Variants in TMEM41B observed in about 807,000 individuals in gnomAD.
The protein encoded by TMEM41B is transmembrane protein 41B.
TMEM41B carries 18 observed loss-of-function variants against 31.9 expected under a neutral mutation model. That is an observed-to-expected ratio of 0.56 (90% confidence interval 0.39 to 0.84). TMEM41B has a LOEUF of 0.84. TMEM41B is among the 40% of genes least tolerant of loss of function. TMEM41B has a pLI of 0.00. For synonymous variants in TMEM41B, 144 were observed against 124.3 expected (o/e 1.16, Z -1.05); for missense variants, 322 against 348.0 (o/e 0.93, Z 0.59).
At position 9,282,028 on chromosome 11, in the gene TMEM41B, T is replaced by C. The variant is rs1347371861; in HGVS notation, c.*1396A>G. 1 of 152,212 alleles carries C rather than the reference T, an allele frequency of 6.6e-6. No individual in the cohort carries two copies. Among genetic ancestry groups the C allele is most frequent in the African/African-American group, 2.4e-5 (1 of 41,458 alleles). The allele number at this position is 152,212 out of a possible 1,614,324, so 9.4% of individuals were successfully genotyped here. ...AAACTACATACTCTTGAATGTTTGC[T>C]TTTTAGAGCCCCTTGTGGGATATTA... On this transcript the variant is annotated 3_prime_UTR_variant, in exon 7 of 7. Coordinates refer to ENST00000528080, the MANE Select transcript of TMEM41B (RefSeq NM_015012.4).
chr11:9,296,603 CAAAAAAAAAA>C (rs1164835040), intron 2 of TMEM41B, among the ~76,000 whole-genome samples: 1 of 118,902 alleles, frequency 8.4e-6, no homozygotes, highest in Admixed American at 9.0e-5. Flanking sequence ...GACTCCGTCT[CAAAAAAAAAA>C]AAAAAAAAAA....
At chr11:9,299,327 C>CACACACACACACACACAT (rs1332386408) in intron 2 of TMEM41B, among the ~76,000 whole-genome samples, 1 of 136,984 alleles carries the variant, frequency 7.3e-6, no homozygotes, top group Non-Finnish European at 1.6e-5. Flanking sequence ...TACATACATA[C>CACACACACACACACACAT]ACACACACAC....
Position 9,302,523 on chromosome 11 carries a change from G to C in TMEM41B, c.122-2822C>G, listed in dbSNP as rs1853286496. Reference sequence around the variant, plus strand: ...GCCGAGGCTGGACTTGAACTCCTGGGCTCCAGCAATCCTCCTACTTCAGCC... The same window carrying C: ...GCCGAGGCTGGACTTGAACTCCTGGCCTCCAGCAATCCTCCTACTTCAGCC... On this transcript the variant is annotated intron_variant, in intron 1 of 6. Transcript: ENST00000528080. Among the ~76,000 whole-genome samples, 2 of 98,966 alleles carry C rather than the reference G, an allele frequency of 2.0e-5. 1 individual carries two copies. Among genetic ancestry groups the C allele is most frequent in the Non-Finnish European group, 4.3e-5 (2 of 46,348 alleles). 64.9% of individuals were successfully genotyped at this position (98,966 alleles called of 152,430 possible). A position where few individuals can be genotyped will look rare whatever the true frequency, so the allele number is the denominator to read the frequency against.
intron 3 of TMEM41B, among the ~76,000 whole-genome samples, chr11:9,290,988 T>C (rs568106814): frequency 6.6e-6 from 1 of 152,010 alleles, no homozygotes; most frequent in Non-Finnish European, 1.5e-5. Context: ...CAGTGGCTCA[T>C]GCCTGTAATG....
chr11:9,299,452 G>T, intron 2 of TMEM41B, 132 bp downstream of exon 2: 1 of 633,232 alleles, frequency 1.6e-6, no homozygotes, highest in South Asian at 2.0e-5. Flanking sequence ...CGCACTCCTG[G>T]ACTCAACCAA....
chr11:9,291,408 TAAA>T (rs1852956465), intron 3 of TMEM41B, among the ~76,000 whole-genome samples: 1 of 74,592 alleles, frequency 1.3e-5, no homozygotes. Flanking sequence ...ATAATAAAAA[TAAA>T]TTTTTTTTTG....
intron 1 of TMEM41B, chr11:9,311,309 G>A (rs1853555124): frequency 3.3e-6 from 5 of 1,525,490 alleles, no homozygotes; most frequent in Non-Finnish European, 4.5e-6. Context: ...AAGAGGAGGA[G>A]GAATGCTTGC....
chr11:9,295,414 G>A (rs943084381), intron 2 of TMEM41B, 27 bp from the exon 3 acceptor site: 1 of 1,422,742 alleles, frequency 7.0e-7, no homozygotes, highest in Non-Finnish European at 9.6e-7. Flanking sequence ...AAAAATTTTA[G>A]AACAGAATTT....
At chr11:9,299,509 T>A (rs1853193832) in intron 2 of TMEM41B, 75 bp downstream of exon 2, 1 of 1,001,028 alleles carries the variant, frequency 1.0e-6, no homozygotes, top group African/African-American at 1.6e-5. Flanking sequence ...AGGCATCAGC[T>A]ACTGCACTTG....
chr11:9,291,243 G>A (rs1045265147), intron 3 of TMEM41B, among the ~76,000 whole-genome samples: 8 of 151,860 alleles, frequency 5.3e-5, no homozygotes, highest in African/African-American at 9.7e-5. Flanking sequence ...TTAGCCGGGC[G>A]CAGTGGCAGG....
At chr11:9,290,060 CAA>C (rs748998386) in intron 3 of TMEM41B, among the ~76,000 whole-genome samples, 2 of 151,888 alleles carry the variant, frequency 1.3e-5, no homozygotes, top group Non-Finnish European at 2.9e-5. Flanking sequence ...CACACACACA[CAA>C]ACACACACAC....
intron 1 of TMEM41B, among the ~76,000 whole-genome samples, chr11:9,300,329 A>G (rs567276282): frequency 5.3e-5 from 8 of 152,134 alleles, no homozygotes; most frequent in African/African-American, 1.9e-4. Flanking sequence ...TGTCAATTTC[A>G]TATTTCTATA....
At chr11:9,311,123 T>G (rs1157271945) in intron 1 of TMEM41B, among the ~76,000 whole-genome samples, 1 of 152,132 alleles carries the variant, frequency 6.6e-6, no homozygotes, top group African/African-American at 2.4e-5. Flanking sequence ...CTTCCCATTT[T>G]CCCTAGCCAC....
rs139746692 is a variant in TMEM41B at position 9,301,832 on chromosome 11, A to G, written c.122-2131T>C. Among the ~76,000 whole-genome samples the G allele has an allele frequency of 4.5e-3, 685 of 152,296 alleles. 8 individuals are homozygous for G. The highest frequency in any genetic ancestry group is 7.9e-3 in the Non-Finnish European group (537 of 68,026). ...GGAGGACACAGTAAGCCAAAGTGGT[A>G]CGCCGAAGACATGTATCAGAAAACA... On this transcript the variant is annotated intron_variant, in intron 1 of 6. Transcript: ENST00000528080.
In TMEM41B at chr11:9,286,468, A is replaced by G. The variant is rs1181007574; in HGVS notation, c.693T>C (p.Ile231=). ...CAGAGGGCTTACCTAGAAAAGTACCAATAAAAAAAACTTTCAATGGCACGT... is the reference window on the plus strand; with the variant it reads ...CAGAGGGCTTACCTAGAAAAGTACCGATAAAAAAAACTTTCAATGGCACGT... ...VINVPLKVFF[I]GTFLGVAPPS... is the part of the protein sequence containing the mutation. The change falls in exon 6 of 7, where the codon ATT becomes ATC. Residue 231 remains isoleucine, a synonymous_variant. Coordinates refer to ENST00000528080, the MANE Select transcript of TMEM41B (RefSeq NM_015012.4). The G allele has an allele frequency of 6.2e-7, 1 of 1,611,478 alleles. No individual in the cohort carries two copies. Among genetic ancestry groups the G allele is most frequent in the Non-Finnish European group, 8.5e-7 (1 of 1,179,242 alleles).
chr11:9,301,967 T>C (rs1303321428), intron 1 of TMEM41B, among the ~76,000 whole-genome samples: 5 of 150,874 alleles, frequency 3.3e-5, no homozygotes, highest in Non-Finnish European at 7.4e-5. Context: ...TTCTTGCTCA[T>C]AAATGCCAGT....
intron 1 of TMEM41B, among the ~76,000 whole-genome samples, chr11:9,304,283 C>T (rs891250048): frequency 1.3e-5 from 2 of 152,112 alleles, no homozygotes; most frequent in African/African-American, 2.4e-5. Flanking sequence ...ACTGTCATTA[C>T]ATTTATGCTC....
At chr11:9,305,120 T>A (rs1332955972) in intron 1 of TMEM41B, among the ~76,000 whole-genome samples, 1 of 152,170 alleles carries the variant, frequency 6.6e-6, no homozygotes, top group Non-Finnish European at 1.5e-5. Flanking sequence ...CAAACCGTTT[T>A]CACAAGGCTA....
At chr11:9,311,298 G>C in intron 1 of TMEM41B, 4 of 1,522,164 alleles carry the variant, frequency 2.6e-6, no homozygotes, top group African/African-American at 1.4e-5. Context: ...ATCACTGCTG[G>C]AAGAGGAGGA....
Sources: gnomAD v4.1 joint callset for allele counts (sites outside exome capture counted in the v4.1 genomes callset) on GRCh38, gnomAD v4.1.1 for gene constraint, MANE v1.5 for transcripts, NCBI Gene and HGNC (gene_info 2026-07-23, HGNC 2026-07-21) for gene names.